Variants in RABGAP1L observed in about 807,000 individuals in gnomAD.
RABGAP1L encodes rab GTPase-activating protein 1-like.
RABGAP1L carries 63 observed loss-of-function variants against 137.7 expected under a neutral mutation model. The ratio of observed to expected loss-of-function variants is 0.46; its 90% CI spans 0.37 to 0.56. The LOEUF (loss-of-function observed/expected upper bound fraction) is 0.56, where lower values mean the gene tolerates loss of function less well. Ranked by LOEUF, RABGAP1L falls within the 20% of genes least tolerant of loss-of-function variation. The pLI, the probability that RABGAP1L is intolerant of heterozygous loss-of-function variation, is 0.00. For synonymous variants in RABGAP1L, 431 were observed against 433.7 expected, an observed-to-expected ratio of 0.99 and a Z score of 0.08; for missense variants, 1,095 against 1,244.0, an observed-to-expected ratio of 0.88 and a Z score of 1.80.
intron 13 of RABGAP1L, among the ~76,000 whole-genome samples, chr1:174,522,048 C>T (rs1469185542): frequency 1.3e-5 from 2 of 149,836 alleles, no homozygotes; most frequent in Non-Finnish European, 2.9e-5. Context: ...CACTGCACTA[C>T]AGCTTGGACA....
chr1:174,339,985 G>A (rs1183828977), intron 11 of RABGAP1L, among the ~76,000 whole-genome samples: 1 of 152,018 alleles, frequency 6.6e-6, no homozygotes, highest in African/African-American at 2.4e-5. Flanking sequence ...TGTATTGTAT[G>A]CTTTTAGAAA....
chr1:174,196,823 C>T (rs1287656450), intron 1 of RABGAP1L, among the ~76,000 whole-genome samples: 1 of 152,034 alleles, frequency 6.6e-6, no homozygotes, highest in Non-Finnish European at 1.5e-5. Context: ...ATTGTTTAGG[C>T]TAGTATCCAT....
intron 13 of RABGAP1L, among the ~76,000 whole-genome samples, chr1:174,619,021 A>G (rs932811401): frequency 1.3e-5 from 2 of 152,260 alleles, no homozygotes; most frequent in African/African-American, 2.4e-5. Context: ...GATTTGATCA[A>G]CTGGAAGAAA....
chr1:174,695,441 A>G (rs1449528436), intron 15 of RABGAP1L, among the ~76,000 whole-genome samples: 2 of 152,004 alleles, frequency 1.3e-5, no homozygotes, highest in African/African-American at 4.8e-5. Context: ...TAGCTTCAGA[A>G]TTTCTGCTTA....
chr1:174,369,579 T>A (rs190978434), intron 11 of RABGAP1L, among the ~76,000 whole-genome samples: 27 of 152,354 alleles, frequency 1.8e-4, no homozygotes, highest in African/African-American at 5.8e-4. Flanking sequence ...TTACATGGGA[T>A]AGTTCCTCAG....
At chr1:174,747,215 C>T (rs538769890) in intron 17 of RABGAP1L, among the ~76,000 whole-genome samples, 49 of 152,042 alleles carry the variant, frequency 3.2e-4, no homozygotes, top group Non-Finnish European at 4.9e-4. Flanking sequence ...CCAGCTTGGG[C>T]AACATAGGGA....
chr1:174,675,664 A>G (rs936685395), intron 14 of RABGAP1L, among the ~76,000 whole-genome samples: 7 of 152,112 alleles, frequency 4.6e-5, no homozygotes, highest in Non-Finnish European at 8.8e-5. Context: ...CATTGAATCT[A>G]TAAATTACCT....
chr1:174,879,841 C>T (rs970286402), intron 19 of RABGAP1L, among the ~76,000 whole-genome samples: 3 of 152,260 alleles, frequency 2.0e-5, no homozygotes, highest in Non-Finnish European at 2.9e-5. Context: ...CCTGTAGTCC[C>T]AGCACTTCGG....
At chr1:174,640,174 C>T (rs1185897618) in intron 14 of RABGAP1L, among the ~76,000 whole-genome samples, 2 of 152,078 alleles carry the variant, frequency 1.3e-5, no homozygotes, top group South Asian at 2.1e-4. Flanking sequence ...GAGATGTATA[C>T]ATCCTACCCT....
At chr1:174,171,072 A>G (rs1665344323) in intron 1 of RABGAP1L, among the ~76,000 whole-genome samples, 2 of 152,214 alleles carry the variant, frequency 1.3e-5, no homozygotes. Context: ...GTAGGGATGT[A>G]TTATAAAAAG....
chr1:174,702,237 T>C lies in RABGAP1L; in HGVS notation c.2150T>C (p.Ile717Thr), dbSNP rs201949597. Residue 717 changes from isoleucine to threonine, a missense_variant, in exon 17 of 26, where the codon ATT becomes ACT. Around this residue, in one of 4 missense-constraint regions of RABGAP1L, gnomAD observed 312 missense variants for 435.6 expected, o/e 0.72. Coordinates refer to ENST00000681986, the MANE Select transcript of RABGAP1L (RefSeq NM_001366446.1). ...KFPLCMVFHI[I>T]DLLLCEGLNI... The stretch of plus-strand genomic sequence containing the variant: ...CCACTCTGCATGGTGTTCCACATCA[T>C]TGACTTACTGCTTTGTGAGGTAGAG... 5 of 1,609,530 alleles carry C rather than the reference T, an allele frequency of 3.1e-6. No individual in the cohort carries two copies. The highest frequency in any genetic ancestry group is 4.5e-5 in the East Asian group (2 of 44,554).
At chr1:174,849,968 A>T (rs994468199) in intron 19 of RABGAP1L, 6 of 725,488 alleles carry the variant, frequency 8.3e-6, no homozygotes, top group African/African-American at 1.8e-5. Flanking sequence ...CAACATACAC[A>T]TCTTTTAGAA....
chr1:174,476,101 A>G (rs1658478281), intron 13 of RABGAP1L, among the ~76,000 whole-genome samples: 1 of 152,178 alleles, frequency 6.6e-6, no homozygotes, highest in Admixed American at 6.5e-5. Context: ...TACTTTTTCC[A>G]TGCATTCATG....
intron 19 of RABGAP1L, among the ~76,000 whole-genome samples, chr1:174,906,725 C>A (rs532803900): frequency 6.6e-6 from 1 of 151,910 alleles, no homozygotes; most frequent in East Asian, 1.9e-4. Flanking sequence ...AATAAGATAT[C>A]CCAAGGGATA....
intron 19 of RABGAP1L, among the ~76,000 whole-genome samples, chr1:174,946,547 A>C (rs1666792913): frequency 6.6e-6 from 1 of 152,032 alleles, no homozygotes; most frequent in Non-Finnish European, 1.5e-5. Flanking sequence ...TGGTTTACTC[A>C]ATTTATAAAA....
At chr1:174,475,578 A>G (rs970038479) in intron 13 of RABGAP1L, among the ~76,000 whole-genome samples, 9 of 151,998 alleles carry the variant, frequency 5.9e-5, no homozygotes, top group Non-Finnish European at 1.2e-4. Flanking sequence ...GGTTTATTGA[A>G]TTTGAAAGGA....
chr1:174,759,302 A>G (rs957470092), intron 18 of RABGAP1L, among the ~76,000 whole-genome samples: 18 of 151,474 alleles, frequency 1.2e-4, no homozygotes, highest in Admixed American at 2.0e-4. Flanking sequence ...AAAAAAAAAA[A>G]AAGAAGTTTC....
intron 13 of RABGAP1L, among the ~76,000 whole-genome samples, chr1:174,492,247 C>T (rs1340332575): frequency 2.0e-5 from 3 of 149,302 alleles, no homozygotes; most frequent in African/African-American, 7.5e-5. Context: ...GTGGCATAAC[C>T]TTGGCTCACT....
At chr1:174,643,916 G>GGGGTGTGT (rs1553224198) in intron 14 of RABGAP1L, among the ~76,000 whole-genome samples, 19 of 145,612 alleles carry the variant, frequency 1.3e-4, no homozygotes, top group Non-Finnish European at 2.7e-4. Flanking sequence ...CTTATATAGG[G>GGGGTGTGT]GTGTGTGTGT....
Sources: gnomAD v4.1 joint callset for allele counts (sites outside exome capture counted in the v4.1 genomes callset) on GRCh38, gnomAD v4.1.1 for gene constraint, gnomAD v4.1.1 regional missense constraint, MANE v1.5 for transcripts, NCBI Gene and HGNC (gene_info 2026-07-23, HGNC 2026-07-21) for gene names.